Variants in HERC1 observed in about 807,000 individuals in gnomAD.
HERC1 encodes the protein probable E3 ubiquitin-protein ligase HERC1.
In HERC1, 160 loss-of-function variants were observed where a neutral mutation model predicts 554.3. The observed-to-expected ratio is 0.29, with a 90% CI of 0.25 to 0.33. The LOEUF is 0.33. Ranked by LOEUF, HERC1 falls within the 10% of genes least tolerant of loss-of-function variation. The probability of loss-of-function intolerance (pLI) is 1.00; values close to 1 mark genes in which losing one functional copy is unlikely to be tolerated. For missense variants in HERC1, 4,919 were observed against 5,918.5 expected (o/e 0.83, Z 5.54); for synonymous variants, 2,175 against 2,131.7 (o/e 1.02, Z -0.56).
At position 63,609,655 on chromosome 15, in the gene HERC1, C is replaced by T. The variant is rs555637152; in HGVS notation, c.14401-389G>A. Among the ~76,000 whole-genome samples the T allele has an allele frequency of 5.7e-4, 87 of 152,186 alleles. 2 individuals carry two copies. The highest frequency in any genetic ancestry group is 1.9e-3 in the African/African-American group (80 of 41,532). On this transcript the variant is annotated intron_variant, in intron 77 of 77. Transcript: ENST00000443617. ...GACTGGAAGCCAGCTGCAGGGATGC[C>T]CCCACAGAGCAGGTAGAATGGAAAG...
At chr15:63,792,719 C>A (rs1567133187) in intron 1 of HERC1, among the ~76,000 whole-genome samples, 1 of 152,186 alleles carries the variant, frequency 6.6e-6, no homozygotes, top group African/African-American at 2.4e-5. Context: ...ATTTTCTCCA[C>A]ACGCCAAGCA....
chr15:63,780,032 AG>A (rs1374673863), intron 1 of HERC1: 4 of 150,812 alleles, frequency 2.7e-5, no homozygotes, highest in African/African-American at 7.3e-5. Flanking sequence ...AAAAAAAAAA[AG>A]ATTATTTTAT....
intron 8 of HERC1, among the ~76,000 whole-genome samples, chr15:63,751,886 T>C (rs1024890354): frequency 6.6e-6 from 1 of 152,158 alleles, no homozygotes. Context: ...TTGAATAGTA[T>C]TGGATAATCT....
At chr15:63,806,630 T>C (rs117960804) in intron 1 of HERC1, among the ~76,000 whole-genome samples, 2,016 of 152,318 alleles carry the variant, frequency 0.013, 18 homozygotes, top group Non-Finnish European at 0.019. Flanking sequence ...GCTCAGAACA[T>C]TGTAGAAGAG....
chr15:63,775,011 G>C lies in HERC1; in HGVS notation c.613C>G (p.Pro205Ala). The C allele has an allele frequency of 1.2e-6, 2 of 1,613,992 alleles. No homozygotes were observed. The highest frequency in any genetic ancestry group is 1.7e-6 in the Non-Finnish European group (2 of 1,179,866). ...TTGCTTTCATTTGCTAATGATAATG[G>C]TGGCAAAGAGCTCACAACTTCAATT... ...TAIEVVSSLP[P>A]LSLANESKIP... The change falls in exon 2 of 78, where the codon CCA becomes GCA. Residue 205 changes from proline (P) to alanine (A), a missense_variant. Pro to Ala is a conservative substitution (Grantham distance 27). Around this residue, in one of 11 missense-constraint regions of HERC1, gnomAD observed 744 missense variants for 1,090.0 expected, o/e 0.68. Coordinates refer to ENST00000443617, the MANE Select transcript of HERC1 (RefSeq NM_003922.4). The surrounding 1 kb of genome is among the most constrained non-coding windows in gnomAD (Gnocchi z 4.0).
At chr15:63,706,030 CAAAAAAAAAAA>C (rs35213471) in intron 25 of HERC1, among the ~76,000 whole-genome samples, 1 of 46,812 alleles carries the variant, frequency 2.1e-5, no homozygotes, top group Non-Finnish European at 3.8e-5. Flanking sequence ...ACCCTGTCTC[CAAAAAAAAAAA>C]AAAAAAAAAA....
intron 8 of HERC1, chr15:63,752,394 CAACA>C (rs2075280253): frequency 6.6e-6 from 1 of 152,204 alleles, no homozygotes; most frequent in South Asian, 2.1e-4. Flanking sequence ...TCCCTATCCT[CAACA>C]AACAAATAGG....
intron 1 of HERC1, among the ~76,000 whole-genome samples, chr15:63,817,087 C>T (rs539541742): frequency 7.9e-5 from 12 of 152,004 alleles, no homozygotes; most frequent in African/African-American, 2.7e-4. Flanking sequence ...CTTATCAGGG[C>T]AAACAACCTG....
In HERC1 at chr15:63,692,635, T is replaced by G. The variant is rs1165675751; in HGVS notation, c.5675-69A>C. The G allele has an allele frequency of 7.4e-7, 1 of 1,359,926 alleles. No homozygotes were observed. Among genetic ancestry groups the G allele is most frequent in the African/African-American group, 1.5e-5 (1 of 68,228 alleles). 84.2% of individuals were successfully genotyped at this position (1,359,926 alleles called of 1,614,324 possible). On this transcript the variant is annotated intron_variant, in intron 30 of 77. Coordinates refer to ENST00000443617, the MANE Select transcript of HERC1 (RefSeq NM_003922.4). The surrounding 1 kb of genome is among the most constrained non-coding windows in gnomAD (Gnocchi z 4.7). ...AGAAATAGTCTTATATCACATAATT[T>G]ACCTTGAAACTGCAGTAAGCACAAA... is the stretch of plus-strand genomic sequence containing the variant.
At chr15:63,700,703 T>C (rs1348536669) in intron 25 of HERC1, among the ~76,000 whole-genome samples, 7 of 89,594 alleles carry the variant, frequency 7.8e-5, no homozygotes, top group African/African-American at 2.6e-4. Flanking sequence ...GGCGAGACCC[T>C]GCCTCAAAAA....
rs569316280 is a variant in HERC1, at chr15:63,696,251, C to G, written c.4994G>C (p.Ser1665Thr). 3 of 1,613,212 alleles carry G rather than the reference C, an allele frequency of 1.9e-6. No homozygotes were observed. The Admixed American group carries it at 5.0e-5, about 27-fold the overall frequency. ...TAGTGTGGAGGACTGGAAGCCTGAA[C>G]TCAATCTGCTTCCTGCCAGTGAGAT... ...GSISLAGSRL[S>T]SGFQSSTLLT... The change falls in exon 27 of 78, where the codon AGT becomes ACT. Residue 1665 changes from serine to threonine, a missense_variant. By Grantham distance (58) the Ser-to-Thr change is moderately conservative (BLOSUM62 1). This residue lies in a region of HERC1 where 1,121 missense variants were observed against 1,244.0 expected (regional missense o/e 0.90). Transcript: ENST00000443617.
At chr15:63,625,076 CT>C (rs2068241963) in intron 71 of HERC1, among the ~76,000 whole-genome samples, 1 of 152,186 alleles carries the variant, frequency 6.6e-6, no homozygotes, top group African/African-American at 2.4e-5. Context: ...CTGCACAGGA[CT>C]CTGCTGCCTA....
intron 55 of HERC1, among the ~76,000 whole-genome samples, chr15:63,647,754 G>A (rs1357086886): frequency 2.0e-5 from 3 of 152,002 alleles, no homozygotes; most frequent in Non-Finnish European, 4.4e-5. Flanking sequence ...GACACAGAAA[G>A]GCAAATATTA....
intron 1 of HERC1, among the ~76,000 whole-genome samples, chr15:63,777,878 T>G (rs2076160071): frequency 6.6e-6 from 1 of 152,194 alleles, no homozygotes; most frequent in East Asian, 1.9e-4. Context: ...GGAATTAAAA[T>G]AAATTCTACA....
intron 24 of HERC1, among the ~76,000 whole-genome samples, chr15:63,711,567 G>C (rs973994987): frequency 6.6e-6 from 1 of 152,154 alleles, no homozygotes; most frequent in Non-Finnish European, 1.5e-5. Context: ...ATCCTTTATG[G>C]AAGCTTTTTT....
chr15:63,609,151 G>A lies in HERC1; in HGVS notation c.14516C>T (p.Ser4839Leu). The change falls in exon 78 of 78, where the codon TCA becomes TTA. Residue 4839 changes from serine (S) to leucine (L), a missense_variant. Physicochemically the swap from Ser to Leu is moderately radical, Grantham distance 145. Around this residue, in one of 11 missense-constraint regions of HERC1, gnomAD observed 71 missense variants for 101.4 expected, o/e 0.70. Coordinates refer to ENST00000443617, the MANE Select transcript of HERC1 (RefSeq NM_003922.4). Reference sequence around the variant, plus strand: ...GAGCATGTAGTTGTCCATGTCGATTGAGCGGCAGTTGTTGATGGCATAGCG... The same window carrying A: ...GAGCATGTAGTTGTCCATGTCGATTAAGCGGCAGTTGTTGATGGCATAGCG... Reference protein sequence around the residue: ...RLRYAINNCRSIDMDNYMLSR... With the variant: ...RLRYAINNCRLIDMDNYMLSR... The A allele has an allele frequency of 3.1e-6, 5 of 1,613,972 alleles. No individual in the cohort carries two copies. Among genetic ancestry groups the A allele is most frequent in the Non-Finnish European group, 3.4e-6 (4 of 1,179,874 alleles).
intron 1 of HERC1, among the ~76,000 whole-genome samples, chr15:63,786,927 T>A (rs1042657616): frequency 1.0e-4 from 15 of 150,322 alleles, no homozygotes; most frequent in Admixed American, 3.3e-4. Context: ...ATTATTTTTT[T>A]TTTTTTTATT....
intron 25 of HERC1, among the ~76,000 whole-genome samples, chr15:63,706,496 A>G (rs1323587602): frequency 2.6e-5 from 4 of 152,134 alleles, no homozygotes; most frequent in African/African-American, 4.8e-5. Context: ...ATTCTATAGG[A>G]CTTTTAAAAA....
chr15:63,832,477 T>C (rs2146230586), intron 1 of HERC1, among the ~76,000 whole-genome samples: 1 of 152,272 alleles, frequency 6.6e-6, no homozygotes, highest in East Asian at 1.9e-4. Context: ...AGAAATCAAT[T>C]TCATAAAACC....
Sources: allele counts gnomAD v4.1 joint callset (sites outside exome capture counted in the v4.1 genomes callset), GRCh38; gene constraint gnomAD v4.1.1; regional missense constraint gnomAD v4.1.1; non-coding constraint Gnocchi (gnomAD v3.1); transcripts MANE v1.5; gene names NCBI Gene and HGNC (gene_info 2026-07-23, HGNC 2026-07-21).